RPRD1A: variants seen among roughly 807,000 people sequenced by gnomAD.
RPRD1A encodes the protein regulation of nuclear pre-mRNA domain containing 1A.
Under a neutral mutation model 37.8 loss-of-function variants are expected in RPRD1A, and 9 were observed. The observed-to-expected ratio is 0.24, with a 90% CI of 0.14 to 0.42. The LOEUF is 0.42. Among genes scored for constraint, RPRD1A ranks in the 10% least tolerant of loss-of-function variants. The pLI, the probability that RPRD1A is intolerant of heterozygous loss-of-function variation, is 1.00. For synonymous variants in RPRD1A, 138 were observed against 139.7 expected (o/e 0.99, Z 0.08); for missense variants, 255 against 371.0 (o/e 0.69, Z 2.57).
chr18:35,995,807 T>C (rs138748356), intron 6 of RPRD1A, among the ~76,000 whole-genome samples: 1 of 152,300 alleles, frequency 6.6e-6, no homozygotes, highest in African/African-American at 2.4e-5. Context: ...ATCAACACTA[T>C]CACTCAGGTT....
At chr18:36,054,559 T>G (rs1221474904) in intron 1 of RPRD1A, among the ~76,000 whole-genome samples, 2 of 152,188 alleles carry the variant, frequency 1.3e-5, no homozygotes, top group African/African-American at 4.8e-5. Flanking sequence ...TTACTTTTAC[T>G]TGGGGATCTC....
Position 36,008,577 on chromosome 18 carries a change from G to GTGTGTGTGTATATATATATA in RPRD1A, c.790-15278_790-15277insTATATATATATACACACACA. 5.9e-4 allele frequency among the ~76,000 whole-genome samples: 28 copies of GTGTGTGTGTATATATATATA among 47,794 alleles called. 4 individuals carry two copies. The highest frequency in any genetic ancestry group is 2.7e-3 in the South Asian group (3 of 1,094). The allele number at this position is 47,794 out of a possible 152,430, so 31.4% of individuals were successfully genotyped here. A position where few individuals can be genotyped will look rare whatever the true frequency, so the allele number is the denominator to read the frequency against. On this transcript the variant is annotated intron_variant, in intron 6 of 6. Coordinates refer to ENST00000399022, the MANE Select transcript of RPRD1A (RefSeq NM_018170.5). Reference sequence around the variant, plus strand: ...GGCGACACAGCAAGACCTTGTGTGTGTATATATATATATCTTTAAAAATCT... The same window carrying GTGTGTGTGTATATATATATA: ...GGCGACACAGCAAGACCTTGTGTGTGTGTGTGTGTATATATATATATATATATATATATCTTTAAAAATCT...
At chr18:36,046,989 T>C (rs888442789) in intron 1 of RPRD1A, among the ~76,000 whole-genome samples, 3 of 151,608 alleles carry the variant, frequency 2.0e-5, no homozygotes, top group African/African-American at 7.3e-5. Context: ...GATGTTAAAA[T>C]GATCTTACAA....
chr18:36,067,146 T>C (rs954197802), intron 1 of RPRD1A, 108 bp downstream of exon 1: 1 of 1,244,184 alleles, frequency 8.0e-7, no homozygotes, highest in African/African-American at 1.5e-5. Context: ...CACCGCGCGC[T>C]GGCATCCCGA....
chr18:36,016,121 T>C (rs1304040625), intron 6 of RPRD1A, among the ~76,000 whole-genome samples: 2 of 152,360 alleles, frequency 1.3e-5, no homozygotes, highest in Middle Eastern at 3.4e-3. Flanking sequence ...CTGATACTTA[T>C]TACCAAACTG....
intron 1 of RPRD1A, among the ~76,000 whole-genome samples, chr18:36,062,568 T>C (rs1598677150): frequency 1.3e-5 from 2 of 152,122 alleles, no homozygotes; most frequent in South Asian, 4.1e-4. Flanking sequence ...GCTAAATTCA[T>C]ACAATATTCT....
chr18:35,993,130 A>G lies in RPRD1A; in HGVS notation c.*21T>C. On this transcript the variant is annotated 3_prime_UTR_variant, in exon 7 of 7. Transcript: ENST00000399022. ...TCTCCATCTCTTGCAAAGTCCTGGGACCTGGAAAGAGGCTGGTCCATCAAT... is the reference window on the plus strand; with the variant it reads ...TCTCCATCTCTTGCAAAGTCCTGGGGCCTGGAAAGAGGCTGGTCCATCAAT... The G allele has an allele frequency of 6.2e-7, 1 of 1,610,806 alleles. No homozygotes were observed. The highest frequency in any genetic ancestry group is 8.5e-7 in the Non-Finnish European group (1 of 1,178,280).
intron 6 of RPRD1A, among the ~76,000 whole-genome samples, chr18:36,020,842 G>C (rs939608267): frequency 1.3e-5 from 2 of 151,656 alleles, no homozygotes; most frequent in African/African-American, 4.8e-5. Flanking sequence ...ACAGAGAACA[G>C]AGCAGTTAAA....
intron 3 of RPRD1A, 29 bp from the exon 4 acceptor site, chr18:36,030,934 T>G (rs368563846): frequency 1.2e-6 from 2 of 1,600,746 alleles, no homozygotes; most frequent in Non-Finnish European, 1.7e-6. Flanking sequence ...TAAGTATTAA[T>G]GAAAGAATAC....
At chr18:36,061,863 T>A (rs2088917626) in intron 1 of RPRD1A, among the ~76,000 whole-genome samples, 1 of 152,098 alleles carries the variant, frequency 6.6e-6, no homozygotes, top group Non-Finnish European at 1.5e-5. Context: ...GGCCAATAAG[T>A]ACATGAAAAT....
chr18:36,029,626 A>C (rs1247538023), intron 4 of RPRD1A, among the ~76,000 whole-genome samples: 18 of 123,140 alleles, frequency 1.5e-4, no homozygotes, highest in Non-Finnish European at 3.7e-5. Context: ...TGCCCACTTA[A>C]AAAAAAAAAA....
chr18:36,022,274 C>T (rs1415413109), intron 6 of RPRD1A, among the ~76,000 whole-genome samples: 1 of 152,192 alleles, frequency 6.6e-6, no homozygotes, highest in African/African-American at 2.4e-5. Flanking sequence ...CAGAGTGAAG[C>T]AGCAAGGGCT....
Position 35,990,018 on chromosome 18 carries a change from A to C in RPRD1A, c.*3133T>G, listed in dbSNP as rs2144119315. Reference sequence around the variant, plus strand: ...CTCTGTATAAATAATTCATTAAGTAACACAATGTTTCCTTTCTATACAGAG... The same window carrying C: ...CTCTGTATAAATAATTCATTAAGTACCACAATGTTTCCTTTCTATACAGAG... On this transcript the variant is annotated 3_prime_UTR_variant, in exon 7 of 7. Coordinates refer to ENST00000399022, the MANE Select transcript of RPRD1A (RefSeq NM_018170.5). 6.6e-6 allele frequency: 1 copy of C among 152,340 alleles called. No individual in the cohort carries two copies. The highest frequency in any genetic ancestry group is 1.9e-4 in the East Asian group (1 of 5,188). The allele number at this position is 152,340 out of a possible 1,614,324, so 9.4% of individuals were successfully genotyped here.
intron 6 of RPRD1A, among the ~76,000 whole-genome samples, chr18:36,000,243 T>C (rs942876458): frequency 1.3e-5 from 2 of 152,166 alleles, no homozygotes; most frequent in Non-Finnish European, 2.9e-5. Flanking sequence ...GAATTGACAA[T>C]TTTAAAAATA....
Position 36,023,613 on chromosome 18 carries a change from T to C in RPRD1A, c.789+3287A>G, listed in dbSNP as rs530938550. On this transcript the variant is annotated intron_variant, in intron 6 of 6. Transcript: ENST00000399022. ...GTAGGCAAAATGCTATCAAATGTACTGCATCCTACAGAGAAATCTTTCAAG... is the reference window on the plus strand; with the variant it reads ...GTAGGCAAAATGCTATCAAATGTACCGCATCCTACAGAGAAATCTTTCAAG... Among the ~76,000 whole-genome samples, 9 of 152,352 alleles carry C rather than the reference T, an allele frequency of 5.9e-5. No individual in the cohort carries two copies. In the South Asian group the frequency reaches 1.9e-3, roughly 32 times the overall value.
At chr18:36,019,076 A>T (rs951657578) in intron 6 of RPRD1A, among the ~76,000 whole-genome samples, 5 of 151,268 alleles carry the variant, frequency 3.3e-5, no homozygotes, top group Non-Finnish European at 5.9e-5. Context: ...TCAAAATAAG[A>T]TCCAAAAGTG....
chr18:36,067,509 C>T lies in RPRD1A; in HGVS notation c.-105G>A, dbSNP rs1233002649. On this transcript the variant is annotated 5_prime_UTR_variant, in exon 1 of 7. Transcript: ENST00000399022. ...CCCCCTCACCCCACCCTTCCCCACG[C>T]TCTCACCACGGCCGCCGCTTCATCC... is the stretch of plus-strand genomic sequence containing the variant. 14 of 1,219,376 alleles carry T rather than the reference C, an allele frequency of 1.1e-5. No homozygotes were observed. The highest frequency in any genetic ancestry group is 2.4e-5 in the Admixed American group (1 of 41,140). The allele number at this position is 1,219,376 out of a possible 1,614,324, so 75.5% of individuals were successfully genotyped here. A position where few individuals can be genotyped will look rare whatever the true frequency, so the allele number is the denominator to read the frequency against.
intron 6 of RPRD1A, among the ~76,000 whole-genome samples, chr18:36,018,123 C>A (rs1910722310): frequency 6.6e-6 from 1 of 152,162 alleles, no homozygotes; most frequent in Non-Finnish European, 1.5e-5. Flanking sequence ...CTGGACTCTG[C>A]TAAAATGATT....
chr18:36,062,204 C>A (rs1312655505), intron 1 of RPRD1A, among the ~76,000 whole-genome samples: 11 of 151,060 alleles, frequency 7.3e-5, no homozygotes, highest in Admixed American at 5.3e-4. Flanking sequence ...GTAGTCCCAG[C>A]TACTCCGGAG....
Sources: allele counts gnomAD v4.1 joint callset (sites outside exome capture counted in the v4.1 genomes callset), GRCh38; gene constraint gnomAD v4.1.1; transcripts MANE v1.5; gene names NCBI Gene and HGNC (gene_info 2026-07-23, HGNC 2026-07-21).